The following TASP1 variants were observed in gnomAD, a reference collection of about 807,000 sequenced individuals.
TASP1 encodes the protein taspase 1.
TASP1 carries 16 observed loss-of-function variants against 56.6 expected under a neutral mutation model. The ratio of observed to expected loss-of-function variants is 0.28; its 90% CI spans 0.19 to 0.43. The LOEUF (loss-of-function observed/expected upper bound fraction) is 0.43. Among genes scored for constraint, TASP1 ranks in the 20% least tolerant of loss-of-function variants. TASP1 has a pLI of 1.00. For missense variants in TASP1, 393 were observed against 511.6 expected (o/e 0.77, Z 2.24); for synonymous variants, 179 against 184.2 (o/e 0.97, Z 0.23).
At chr20:13,110,810 T>C in the TASP1 span, among the ~76,000 whole-genome samples, 2 of 152,122 alleles carry the variant, frequency 1.3e-5, no homozygotes, top group African/African-American at 4.8e-5. Context: ...CAATCCTGAA[T>C]CAATTCTCAA....
chr20:13,473,498 A>T (rs191538963), intron 11 of TASP1, among the ~76,000 whole-genome samples: 1 of 152,132 alleles, frequency 6.6e-6, no homozygotes, highest in Non-Finnish European at 1.5e-5. Context: ...ATAATAATAT[A>T]TCTTAAAAAA....
At chr20:13,483,478 C>T in intron 10 of TASP1, 141 bp from the exon 11 acceptor site, 1 of 494,634 alleles carries the variant, frequency 2.0e-6, no homozygotes, top group South Asian at 5.2e-5. Context: ...GAAATGACTT[C>T]CATGAGCAAT....
the TASP1 span, among the ~76,000 whole-genome samples, chr20:13,285,568 G>A: frequency 3.3e-5 from 5 of 152,154 alleles, no homozygotes; most frequent in South Asian, 4.1e-4. Flanking sequence ...AGAGTTCCCT[G>A]CAGCAAGACG....
chr20:13,155,335 G>T, the TASP1 span, among the ~76,000 whole-genome samples: 1 of 152,238 alleles, frequency 6.6e-6, no homozygotes, highest in African/African-American at 2.4e-5. Context: ...CCCATTGCTG[G>T]AACTTTCTGT....
intron 4 of TASP1, among the ~76,000 whole-genome samples, chr20:13,599,551 T>C (rs1372246664): frequency 1.3e-5 from 2 of 152,034 alleles, no homozygotes; most frequent in Admixed American, 6.6e-5. Context: ...GGGGGAGGGA[T>C]AGCATTAGGA....
intron 11 of TASP1, among the ~76,000 whole-genome samples, chr20:13,451,955 G>C (rs914161003): frequency 2.6e-5 from 4 of 151,994 alleles, no homozygotes; most frequent in African/African-American, 9.7e-5. Context: ...CAATATTTTT[G>C]TGTCTCAGTG....
At chr20:13,584,134 G>A (rs973342660) in intron 5 of TASP1, among the ~76,000 whole-genome samples, 5 of 151,842 alleles carry the variant, frequency 3.3e-5, no homozygotes, top group East Asian at 1.9e-4. Context: ...CAATGCCTAC[G>A]GTATTACTGT....
the TASP1 span, among the ~76,000 whole-genome samples, chr20:13,306,553 A>G: frequency 7.7e-6 from 1 of 129,812 alleles, no homozygotes; most frequent in Non-Finnish European, 1.6e-5. Flanking sequence ...CAAATGGAGA[A>G]GGAGAAAGGA....
the TASP1 span, among the ~76,000 whole-genome samples, chr20:13,188,349 G>T: frequency 6.6e-6 from 1 of 152,064 alleles, no homozygotes. Context: ...AAAGTTGCAG[G>T]ATACAAAATC....
At chr20:13,558,969 T>A (rs751649081) in intron 8 of TASP1, 39 bp downstream of exon 8, 7 of 1,286,326 alleles carry the variant, frequency 5.4e-6, no homozygotes, top group Non-Finnish European at 5.5e-6. Flanking sequence ...AGATATATCA[T>A]CTGATACATT....
the TASP1 span, among the ~76,000 whole-genome samples, chr20:13,274,989 T>G: frequency 6.6e-6 from 1 of 152,184 alleles, no homozygotes; most frequent in Non-Finnish European, 1.5e-5. Flanking sequence ...CAGAACAAGT[T>G]AGACTTTGGT....
the TASP1 span, among the ~76,000 whole-genome samples, chr20:13,285,240 A>G: frequency 6.6e-6 from 1 of 152,148 alleles, no homozygotes; most frequent in Non-Finnish European, 1.5e-5. Flanking sequence ...GCAATGAGCC[A>G]TGATGGTGCC....
chr20:13,345,001 C>A, the TASP1 span, among the ~76,000 whole-genome samples: 5 of 152,274 alleles, frequency 3.3e-5, no homozygotes, highest in South Asian at 1.0e-3. Context: ...TCCAGTTAAA[C>A]TGCTCCCTCC....
the TASP1 span, chr20:13,299,316 G>C: frequency 1.9e-6 from 3 of 1,613,868 alleles, no homozygotes; most frequent in African/African-American, 4.0e-5. The surrounding 1 kb of genome is among the most constrained non-coding windows in gnomAD (Gnocchi z 5.8). Context: ...CCACTACAAG[G>C]TGGACGTCCT....
chr20:13,328,182 C>T, the TASP1 span, among the ~76,000 whole-genome samples: 1 of 152,142 alleles, frequency 6.6e-6, no homozygotes, highest in South Asian at 2.1e-4. Context: ...AGAAGACATA[C>T]ATGTGGCCAA....
chr20:13,288,418 C>T, the TASP1 span: 1 of 1,071,154 alleles, frequency 9.3e-7, no homozygotes, highest in Admixed American at 2.5e-5. Context: ...CTGAAAAGTC[C>T]TCTCCAGCAA....
intron 7 of TASP1, among the ~76,000 whole-genome samples, chr20:13,561,220 G>A (rs758528051): frequency 5.9e-5 from 9 of 152,080 alleles, no homozygotes; most frequent in Non-Finnish European, 1.0e-4. Flanking sequence ...AAATCCTTCC[G>A]GTTAAAATGA....
intron 11 of TASP1, among the ~76,000 whole-genome samples, chr20:13,481,490 C>G (rs1007496119): frequency 5.3e-5 from 8 of 152,008 alleles, no homozygotes; most frequent in Non-Finnish European, 7.4e-5. Context: ...TTTTGAGGAA[C>G]CTCCAAACTG....
At chr20:13,458,273 G>A (rs2043919937) in intron 11 of TASP1, among the ~76,000 whole-genome samples, 1 of 152,126 alleles carries the variant, frequency 6.6e-6, no homozygotes, top group Non-Finnish European at 1.5e-5. Flanking sequence ...TTTTGATGGT[G>A]AACACCCTAA....
Sources: allele counts gnomAD v4.1 joint callset (sites outside exome capture counted in the v4.1 genomes callset), GRCh38; gene constraint gnomAD v4.1.1; non-coding constraint Gnocchi (gnomAD v3.1); transcripts MANE v1.5; gene names NCBI Gene and HGNC (gene_info 2026-07-23, HGNC 2026-07-21).